The following INSYN2B variants were observed in gnomAD, a reference collection of about 807,000 sequenced individuals.
The protein encoded by INSYN2B is inhibitory synaptic factor family member 2B, also known as protein INSYN2B.
A neutral mutation model predicts 41.2 loss-of-function variants in INSYN2B; 16 were observed. The ratio of observed to expected loss-of-function variants is 0.39; its 90% CI spans 0.26 to 0.59. The LOEUF (loss-of-function observed/expected upper bound fraction) is 0.59. Among genes scored for constraint, INSYN2B ranks in the 20% least tolerant of loss-of-function variants. The pLI is 0.57. For synonymous variants in INSYN2B, 245 were observed against 244.4 expected, an observed-to-expected ratio of 1.00 and a Z score of -0.02; for missense variants, 608 against 646.4, an observed-to-expected ratio of 0.94 and a Z score of 0.64.
At chr5:169,888,030 A>T (rs956008694) in intron 1 of INSYN2B, among the ~76,000 whole-genome samples, 7 of 152,194 alleles carry the variant, frequency 4.6e-5, no homozygotes, top group Non-Finnish European at 5.9e-5. Flanking sequence ...AACGTTTGAT[A>T]CAAATAAAGG....
intron 3 of INSYN2B, among the ~76,000 whole-genome samples, chr5:169,870,737 A>G (rs368270431): frequency 6.6e-6 from 1 of 152,038 alleles, no homozygotes; most frequent in Non-Finnish European, 1.5e-5. Flanking sequence ...CTGTGTTTTT[A>G]TTTTATCCTC....
intron 1 of INSYN2B, among the ~76,000 whole-genome samples, chr5:169,949,491 A>G (rs138356780): frequency 1.0e-3 from 153 of 152,070 alleles, no homozygotes; most frequent in Middle Eastern, 6.8e-3. Flanking sequence ...AGTGAGAAAT[A>G]ACTTGTAAAA....
chr5:169,871,527 A>G (rs1162172856), intron 3 of INSYN2B, among the ~76,000 whole-genome samples: 1 of 152,248 alleles, frequency 6.6e-6, no homozygotes, highest in Non-Finnish European at 1.5e-5. Context: ...TATAAATGAG[A>G]AAACTGAGGC....
chr5:169,943,333 T>C (rs1257912100), intron 1 of INSYN2B, among the ~76,000 whole-genome samples: 2 of 152,156 alleles, frequency 1.3e-5, no homozygotes, highest in African/African-American at 4.8e-5. Context: ...GATCCCACCC[T>C]GAGATCCAGG....
At chr5:169,930,887 A>C (rs960319108) in intron 1 of INSYN2B, among the ~76,000 whole-genome samples, 2 of 152,174 alleles carry the variant, frequency 1.3e-5, no homozygotes, top group African/African-American at 4.8e-5. Flanking sequence ...TTAGCCATAC[A>C]CATAAATACA....
In INSYN2B at chr5:169,863,041, C is replaced by T. The variant is rs1311339516; in HGVS notation, c.*1232G>A. On this transcript the variant is annotated 3_prime_UTR_variant, in exon 4 of 4. Transcript: ENST00000377365. ...GCCTTTCCATCCTACCCCTCATCCACAAGAGTATATAGCAATTACTTAATT... is the reference window on the plus strand; with the variant it reads ...GCCTTTCCATCCTACCCCTCATCCATAAGAGTATATAGCAATTACTTAATT... Among the ~76,000 whole-genome samples, 1 of 152,208 alleles carries T rather than the reference C, an allele frequency of 6.6e-6. No individual in the cohort carries two copies. Among genetic ancestry groups the T allele is most frequent in the African/African-American group, 2.4e-5 (1 of 41,438 alleles).
At chr5:169,973,826 T>C (rs945145853) in intron 1 of INSYN2B, among the ~76,000 whole-genome samples, 1 of 152,212 alleles carries the variant, frequency 6.6e-6, no homozygotes, top group Non-Finnish European at 1.5e-5. Context: ...TATCTGTGTA[T>C]ATCATCTAGC....
At chr5:169,973,894 C>G (rs1297467021) in intron 1 of INSYN2B, among the ~76,000 whole-genome samples, 1 of 152,152 alleles carries the variant, frequency 6.6e-6, no homozygotes, top group African/African-American at 2.4e-5. Context: ...GTTAATTTAT[C>G]CATCTGTCCA....
At chr5:169,902,969 A>G (rs542772381) in intron 1 of INSYN2B, among the ~76,000 whole-genome samples, 17 of 152,156 alleles carry the variant, frequency 1.1e-4, no homozygotes, top group East Asian at 5.8e-4. Context: ...GTGGTGGCAC[A>G]TGCCTGTAGT....
At position 169,882,694 on chromosome 5, in the gene INSYN2B, A is replaced by G. The variant is rs1253093310; in HGVS notation, c.1205T>C (p.Ile402Thr). The part of the protein sequence containing the change: ...SNREISDINQ[I>T]HLARGELCDL... ...GCAGAGTTCACCCCGTGCCAGGTGA[A>G]TTTGATTAATGTCACTAATCTCCCT... The change falls in exon 2 of 4, where the codon ATT becomes ACT. Residue 402 changes from isoleucine (I) to threonine (T), a missense_variant. Physicochemically the swap from Ile to Thr is moderately conservative, Grantham distance 89 (BLOSUM62 -1). Coordinates refer to ENST00000377365, the MANE Select transcript of INSYN2B (RefSeq NM_001129891.3). 1 of 1,551,946 alleles carries G rather than the reference A, an allele frequency of 6.4e-7. No homozygotes were observed. Among genetic ancestry groups the G allele is most frequent in the African/African-American group, 1.4e-5 (1 of 73,016 alleles).
rs1321314714 is a variant in INSYN2B, at chr5:169,879,283, A to T, written c.1421+2085T>A. ...CACGGCTTAACAAGGCCTGGGGATGAGTATTTCACATCACTTATTCATTCG... is the reference window on the plus strand; with the variant it reads ...CACGGCTTAACAAGGCCTGGGGATGTGTATTTCACATCACTTATTCATTCG... On this transcript the variant is annotated intron_variant, in intron 3 of 3. Coordinates refer to ENST00000377365, the MANE Select transcript of INSYN2B (RefSeq NM_001129891.3). 1.5e-3 allele frequency among the ~76,000 whole-genome samples: 224 copies of T among 152,308 alleles called. 1 individual carries two copies. Among genetic ancestry groups the T allele is most frequent in the African/African-American group, 4.7e-3 (196 of 41,574 alleles).
At position 169,862,040 on chromosome 5, in the gene INSYN2B, A is replaced by G. The variant is rs1771235676; in HGVS notation, c.*2233T>C. ...ATGTGAGGGCCTCAACTGGAAACAT[A>G]TCTATGACCACATCAGCTTATTAAT... On this transcript the variant is annotated 3_prime_UTR_variant, in exon 4 of 4. Coordinates refer to ENST00000377365, the MANE Select transcript of INSYN2B (RefSeq NM_001129891.3). Among the ~76,000 whole-genome samples, 1 of 151,960 alleles carries G rather than the reference A, an allele frequency of 6.6e-6. No individual in the cohort carries two copies. The highest frequency in any genetic ancestry group is 1.5e-5 in the Non-Finnish European group (1 of 68,008).
chr5:169,968,218 A>G (rs998541497), intron 1 of INSYN2B, among the ~76,000 whole-genome samples: 1 of 152,318 alleles, frequency 6.6e-6, no homozygotes, highest in African/African-American at 2.4e-5. Context: ...TCAGCTTGTA[A>G]TATGGCTCAA....
rs561266992 is a variant in INSYN2B, at chr5:169,903,658, A to G, written c.-918-18842T>C. On this transcript the variant is annotated intron_variant, in intron 1 of 3. Coordinates refer to ENST00000377365, the MANE Select transcript of INSYN2B (RefSeq NM_001129891.3). Reference sequence around the variant, plus strand: ...GAAGCAGGGCTCTTTTGTGGAACTGATAGAAGTTCAGACTTCCTAGAGGGT... The same window carrying G: ...GAAGCAGGGCTCTTTTGTGGAACTGGTAGAAGTTCAGACTTCCTAGAGGGT... 1.6e-4 allele frequency among the ~76,000 whole-genome samples: 24 copies of G among 152,262 alleles called. No homozygotes were observed. In the East Asian group the frequency reaches 2.9e-3, roughly 18 times the overall value.
chr5:169,896,350 A>G (rs1028396056), intron 1 of INSYN2B, among the ~76,000 whole-genome samples: 15 of 152,264 alleles, frequency 9.9e-5, no homozygotes, highest in African/African-American at 3.4e-4. Flanking sequence ...GTAGTGTGGC[A>G]TGGTGGACAA....
At chr5:169,930,237 G>T (rs944764152) in intron 1 of INSYN2B, among the ~76,000 whole-genome samples, 2 of 152,126 alleles carry the variant, frequency 1.3e-5, no homozygotes, top group Non-Finnish European at 2.9e-5. Flanking sequence ...TGATCCGCCT[G>T]CCTCGGCCTC....
At chr5:169,912,669 T>C (rs1054018722) in intron 1 of INSYN2B, among the ~76,000 whole-genome samples, 26 of 152,072 alleles carry the variant, frequency 1.7e-4, no homozygotes, top group African/African-American at 4.1e-4. Context: ...TTCATTCATG[T>C]TGCATTATAC....
chr5:169,938,616 G>GA (rs1561838577), intron 1 of INSYN2B, among the ~76,000 whole-genome samples: 1 of 152,208 alleles, frequency 6.6e-6, no homozygotes, highest in African/African-American at 2.4e-5. Flanking sequence ...TGCTCTGAGT[G>GA]AATCAGTGAG....
chr5:169,970,167 T>C (rs986701565), intron 1 of INSYN2B, among the ~76,000 whole-genome samples: 12 of 152,224 alleles, frequency 7.9e-5, no homozygotes, highest in African/African-American at 2.9e-4. Flanking sequence ...TGGTTTTTAA[T>C]TTGATGTTCT....
Sources: gnomAD v4.1 joint callset for allele counts (sites outside exome capture counted in the v4.1 genomes callset) on GRCh38, gnomAD v4.1.1 for gene constraint, MANE v1.5 for transcripts, NCBI Gene and HGNC (gene_info 2026-07-23, HGNC 2026-07-21) for gene names.